The following ZNF502 variants were observed in gnomAD, a reference collection of about 807,000 sequenced individuals.
ZNF502 encodes the protein zinc finger protein 502.
In ZNF502, 29 loss-of-function variants were observed where a neutral mutation model predicts 43.6. The ratio of observed to expected loss-of-function variants is 0.67; its 90% CI spans 0.50 to 0.91. The LOEUF (loss-of-function observed/expected upper bound fraction) is 0.91. ZNF502 is among the 40% of genes least tolerant of loss of function. ZNF502 has a pLI of 0.00. For synonymous variants in ZNF502, 171 were observed against 207.4 expected (o/e 0.82, Z 1.51); for missense variants, 591 against 647.2 (o/e 0.91, Z 0.94).
chr3:44,721,721 T>A lies in ZNF502; in HGVS notation c.904T>A (p.Ser302Thr), dbSNP rs1575543596. 6.2e-7 allele frequency: 1 copy of A among 1,610,728 alleles called. No individual in the cohort carries two copies. The highest frequency in any genetic ancestry group is 1.1e-5 in the South Asian group (1 of 90,758). ...EKPYICSECG[S>T]SFRKHSNLTQ... ...GCCTTACATATGCAGTGAATGTGGC[T>A]CTTCTTTTCGAAAACACTCAAATCT... The change falls in exon 3 of 3, where the codon TCT becomes ACT. Residue 302 changes from serine to threonine, a missense_variant. Ser to Thr is a moderately conservative substitution (Grantham distance 58, BLOSUM62 1). Transcript: ENST00000436624.
intron 2 of ZNF502, among the ~76,000 whole-genome samples, chr3:44,720,628 C>G (rs906797359): frequency 2.0e-5 from 3 of 152,200 alleles, no homozygotes; most frequent in Non-Finnish European, 4.4e-5. Flanking sequence ...TCTATTGTCT[C>G]ATTCTCTTGC....
rs143509676 is a variant in ZNF502 at position 44,719,169 on chromosome 3, C to G, written c.-59-1034C>G. ...TTGTATTCTTATAGAGACAGGGTTTCTCCATGTTGGCCAGGCTGGTCTCAA... is the reference window on the plus strand; with the variant it reads ...TTGTATTCTTATAGAGACAGGGTTTGTCCATGTTGGCCAGGCTGGTCTCAA... On this transcript the variant is annotated intron_variant, in intron 1 of 2. Transcript: ENST00000436624. Among the ~76,000 whole-genome samples, 326 of 152,210 alleles carry G rather than the reference C, an allele frequency of 2.1e-3. 1 individual carries two copies. The highest frequency in any genetic ancestry group is 3.4e-3 in the Non-Finnish European group (233 of 68,014).
At chr3:44,719,748 C>T (rs1351969413) in intron 1 of ZNF502, among the ~76,000 whole-genome samples, 1 of 152,194 alleles carries the variant, frequency 6.6e-6, no homozygotes, top group Non-Finnish European at 1.5e-5. Flanking sequence ...ATCTCAGCTC[C>T]TTGGCATTTG....
chr3:44,718,182 A>G (rs764377318), intron 1 of ZNF502, among the ~76,000 whole-genome samples: 8 of 152,304 alleles, frequency 5.3e-5, no homozygotes. Context: ...TACCAGTGTC[A>G]CTAAAGATCA....
At position 44,714,276 on chromosome 3, in the gene ZNF502, A is replaced by G. The variant is rs191123764; in HGVS notation, c.-60+1536A>G. Reference sequence around the variant, plus strand: ...TTCACCATAATACTCAGCTTTCCCCAGATCTGCAGAGGGATCTTTTTAGCA... The same window carrying G: ...TTCACCATAATACTCAGCTTTCCCCGGATCTGCAGAGGGATCTTTTTAGCA... On this transcript the variant is annotated intron_variant, in intron 1 of 2. Transcript: ENST00000436624. Among the ~76,000 whole-genome samples, 26 of 152,318 alleles carry G rather than the reference A, an allele frequency of 1.7e-4. No homozygotes were observed. In the South Asian group the frequency reaches 4.8e-3, roughly 28 times the overall value.
Position 44,722,014 on chromosome 3 carries a change from A to G in ZNF502, c.1197A>G (p.Arg399=), listed in dbSNP as rs1704362757. The G allele has an allele frequency of 1.2e-6, 2 of 1,614,204 alleles. No homozygotes were observed. The highest frequency in any genetic ancestry group is 2.2e-5 in the South Asian group (2 of 91,084). The change falls in exon 3 of 3, where the codon AGA becomes AGG. Residue 399 remains arginine, a synonymous_variant. Transcript: ENST00000436624. ...TQSTPLTKHQ[R]IHTGERPYKC... ...GCACCCCACTCACTAAACATCAGAG[A>G]ATACATACAGGGGAGAGACCCTACA...
In ZNF502 at chr3:44,721,925, C is replaced by T. The variant is rs1479219527; in HGVS notation, c.1108C>T (p.Gln370Ter). 1.2e-6 allele frequency: 2 copies of T among 1,613,896 alleles called. No homozygotes were observed. Among genetic ancestry groups the T allele is most frequent in the Non-Finnish European group, 8.5e-7 (1 of 1,180,002 alleles). Residue 370 changes from glutamine to a stop codon, truncating the protein, a stop_gained, in exon 3 of 3, where the codon CAG (glutamine) becomes TAG (stop). Transcript: ENST00000436624. LOFTEE classifies it high-confidence loss of function. ...FCQSPSLIKH[Q>*]RIHTGEKPYK... ...TCAGAGCCCATCTCTTATTAAACAC[C>T]AGCGAATTCATACTGGAGAAAAACC... is the stretch of plus-strand genomic sequence containing the variant.
Position 44,722,546 on chromosome 3 carries a change from T to G in ZNF502, c.*94T>G. 1 of 1,456,438 alleles carries G rather than the reference T, an allele frequency of 6.9e-7. No homozygotes were observed. Among genetic ancestry groups the G allele is most frequent in the Non-Finnish European group, 9.2e-7 (1 of 1,091,988 alleles). The allele number at this position is 1,456,438 out of a possible 1,614,324, so 90.2% of individuals were successfully genotyped here. A position where few individuals can be genotyped will look rare whatever the true frequency, so the allele number is the denominator to read the frequency against. ...CAGGTAGAGTTCCTGGAGGGAAGGA[T>G]GAAGGAGCCTTGGCTACTGTACTCT... On this transcript the variant is annotated 3_prime_UTR_variant, in exon 3 of 3. Transcript: ENST00000436624.
chr3:44,721,039 A>G lies in ZNF502; in HGVS notation c.222A>G (p.Glu74=). Residue 74 remains glutamate (E), a synonymous_variant, in exon 3 of 3, where the codon GAA becomes GAG. Transcript: ENST00000436624. ...AAAACTCTCCTAGGGAGATTGCTGA[A>G]TCATGCCTTTTCCAGGAAGGAGGTT... ...MKENSPREIA[E]SCLFQEGGFG... 1 of 1,614,128 alleles carries G rather than the reference A, an allele frequency of 6.2e-7. No individual in the cohort carries two copies. Among genetic ancestry groups the G allele is most frequent in the Non-Finnish European group, 8.5e-7 (1 of 1,179,986 alleles).
rs189711135 is a variant in ZNF502, at chr3:44,722,421, T to G, written c.1604T>G (p.Phe535Cys). 1.9e-6 allele frequency: 3 copies of G among 1,613,144 alleles called. No homozygotes were observed. The highest frequency in any genetic ancestry group is 1.1e-5 in the South Asian group (1 of 91,022). Residue 535 changes from phenylalanine (F) to cysteine (C), a missense_variant, in exon 3 of 3, where the codon TTC becomes TGC. Physicochemically the swap from Phe to Cys is radical, Grantham distance 205. Transcript: ENST00000436624. ...GKFFRHSSVLFRHQKLHSGD is the reference protein window; with the variant it reads ...GKFFRHSSVLCRHQKLHSGD ...TTCTTCAGACATAGTTCAGTCCTTT[T>G]CAGACATCAGAAACTTCACAGTGGT...
chr3:44,720,836 C>T (rs756971047), intron 2 of ZNF502, 37 bp from the exon 3 acceptor site: 2 of 1,571,452 alleles, frequency 1.3e-6, no homozygotes, highest in East Asian at 2.2e-5. Context: ...TCACTCTGCC[C>T]TGTACAGGAG....
At position 44,722,409 on chromosome 3, in the gene ZNF502, GTTCAGTCCTT is replaced by G; in HGVS notation, c.1598_1607del (p.Val533AspfsTer14). 1.9e-6 allele frequency: 3 copies of G among 1,613,894 alleles called. No individual in the cohort carries two copies. The East Asian group carries it at 6.7e-5, about 36-fold the overall frequency. Reference sequence around the variant, plus strand: ...GAGTGTGGAAAGTTCTTCAGACATAGTTCAGTCCTTTTCAGACATCAGAAACTTCACAGTG... The same window carrying G: ...GAGTGTGGAAAGTTCTTCAGACATAGTTCAGACATCAGAAACTTCACAGTG... On this transcript the variant is annotated frameshift_variant, in exon 3 of 3. Coordinates refer to ENST00000436624, the MANE Select transcript of ZNF502 (RefSeq NM_001134442.3). LOFTEE classifies it high-confidence loss of function.
chr3:44,713,878 C>T (rs145412315), intron 1 of ZNF502, among the ~76,000 whole-genome samples: 2,546 of 152,280 alleles, frequency 0.017, 46 homozygotes, highest in African/African-American at 0.039. Context: ...CCGCGCCAGG[C>T]CTATGTGTAG....
chr3:44,721,524 A>C lies in ZNF502; in HGVS notation c.707A>C (p.Glu236Ala), dbSNP rs765356360. The C allele has an allele frequency of 6.2e-7, 1 of 1,607,570 alleles. No homozygotes were observed. Among genetic ancestry groups the C allele is most frequent in the African/African-American group, 1.3e-5 (1 of 74,836 alleles). ...CAGCATCAAAGAATTCACACTGGAG[A>C]GAAACCTTATAAATGCAATGAATGT... is the stretch of plus-strand genomic sequence containing the variant. ...LTQHQRIHTG[E>A]KPYKCNECGN... The change falls in exon 3 of 3, where the codon GAG (glutamate) becomes GCG (alanine). Residue 236 changes from glutamate to alanine, a missense_variant. Coordinates refer to ENST00000436624, the MANE Select transcript of ZNF502 (RefSeq NM_001134442.3).
At chr3:44,713,324 T>C (rs1704068690) in intron 1 of ZNF502, among the ~76,000 whole-genome samples, 1 of 152,196 alleles carries the variant, frequency 6.6e-6, no homozygotes, top group Non-Finnish European at 1.5e-5. Context: ...AATGAAGGAT[T>C]ACTATCCATT....
chr3:44,718,908 T>C (rs963370205), intron 1 of ZNF502, among the ~76,000 whole-genome samples: 1 of 152,098 alleles, frequency 6.6e-6, no homozygotes, highest in Non-Finnish European at 1.5e-5. Flanking sequence ...TATAGTAGCT[T>C]ACAGGTTCCT....
intron 1 of ZNF502, among the ~76,000 whole-genome samples, chr3:44,713,185 A>ACCTG (rs1172521122): frequency 6.6e-6 from 1 of 152,154 alleles, no homozygotes; most frequent in Non-Finnish European, 1.5e-5. Context: ...GAGTCTTGAG[A>ACCTG]CCTGAGTTAC....
chr3:44,716,333 G>A (rs552980110), intron 1 of ZNF502, among the ~76,000 whole-genome samples: 48 of 151,988 alleles, frequency 3.2e-4, no homozygotes, highest in Non-Finnish European at 5.6e-4. Flanking sequence ...GATTACAGGT[G>A]CCTGCCACTG....
In ZNF502 at chr3:44,718,021, T is replaced by C. The variant is rs180778556; in HGVS notation, c.-59-2182T>C. On this transcript the variant is annotated intron_variant, in intron 1 of 2. Coordinates refer to ENST00000436624, the MANE Select transcript of ZNF502 (RefSeq NM_001134442.3). Reference sequence around the variant, plus strand: ...CCTAGCCACATTGCTTTAAAGATTTTATCTGTTACTCCTGTGATTTCAAGT... The same window carrying C: ...CCTAGCCACATTGCTTTAAAGATTTCATCTGTTACTCCTGTGATTTCAAGT... Among the ~76,000 whole-genome samples, 6 of 152,344 alleles carry C rather than the reference T, an allele frequency of 3.9e-5. No homozygotes were observed. The East Asian group carries it at 1.2e-3, about 29-fold the overall frequency.
Sources: gnomAD v4.1 joint callset for allele counts (sites outside exome capture counted in the v4.1 genomes callset) on GRCh38, gnomAD v4.1.1 for gene constraint, MANE v1.5 for transcripts, NCBI Gene and HGNC (gene_info 2026-07-23, HGNC 2026-07-21) for gene names.